The following RABEP2 variants were observed in gnomAD, a reference collection of about 807,000 sequenced individuals.
The protein encoded by RABEP2 is rabaptin, RAB GTPase binding effector protein 2.
RABEP2 carries 57 observed loss-of-function variants against 74.1 expected under a neutral mutation model. That is an observed-to-expected ratio of 0.77 (90% confidence interval 0.62 to 0.96). RABEP2 has a LOEUF of 0.96. Ranked by LOEUF, RABEP2 falls within the 40% of genes least tolerant of loss-of-function variation. RABEP2 has a pLI of 0.00. For missense variants in RABEP2, 692 were observed against 756.3 expected (o/e 0.91, Z 1.00); for synonymous variants, 351 against 344.0 (o/e 1.02, Z -0.23).
At chr16:28,919,475 G>A (rs914493926) in intron 3 of RABEP2, among the ~76,000 whole-genome samples, 4 of 152,182 alleles carry the variant, frequency 2.6e-5, no homozygotes, top group African/African-American at 9.7e-5. Flanking sequence ...ATTACCAAGA[G>A]GTAATGTACA....
rs1177678652 is a variant in RABEP2, at chr16:28,914,598, G to A, written c.544-12C>T. ...TGCCGGGGACGTCTCTAGGGAAGGGGGCAGGGAAGAGGCTGGGGGGCCAGG... is the reference window on the plus strand; with the variant it reads ...TGCCGGGGACGTCTCTAGGGAAGGGAGCAGGGAAGAGGCTGGGGGGCCAGG... On this transcript the variant is annotated splice_polypyrimidine_tract_variant and intron_variant, in intron 4 of 12. Transcript: ENST00000358201. 6.2e-7 allele frequency: 1 copy of A among 1,610,486 alleles called. No homozygotes were observed. Among genetic ancestry groups the A allele is most frequent in the Non-Finnish European group, 8.5e-7 (1 of 1,178,174 alleles).
In RABEP2 at chr16:28,910,929, C is replaced by A. The variant is rs770467312; in HGVS notation, c.1048G>T (p.Gly350Trp). 1.2e-6 allele frequency: 2 copies of A among 1,613,282 alleles called. No individual in the cohort carries two copies. The highest frequency in any genetic ancestry group is 3.3e-5 in the Admixed American group (2 of 59,990). The change falls in exon 7 of 13, where the codon GGG becomes TGG. Residue 350 changes from glycine (G) to tryptophan (W), a missense_variant. Transcript: ENST00000358201. ...NSEQLLRTLQ[G>W]TVSQAQERVQ... ...CGCTCCTGGGCCTGGCTCACGGTCCCTTGCAGGGTCCGCAGCAGCTGCTCT... is the reference window on the plus strand; with the variant it reads ...CGCTCCTGGGCCTGGCTCACGGTCCATTGCAGGGTCCGCAGCAGCTGCTCT...
At chr16:28,921,396 G>T (rs998707410) in intron 2 of RABEP2, among the ~76,000 whole-genome samples, 1 of 151,966 alleles carries the variant, frequency 6.6e-6, no homozygotes, top group Non-Finnish European at 1.5e-5. Context: ...AGGCAGGAGA[G>T]GACAGTGGTA....
chr16:28,918,083 T>C (rs1197161846), intron 3 of RABEP2, among the ~76,000 whole-genome samples: 1 of 139,900 alleles, frequency 7.1e-6, no homozygotes, highest in Non-Finnish European at 1.5e-5. Flanking sequence ...TTTTTTTTTT[T>C]TTTTTTTGAG....
At chr16:28,924,840 C>A (rs1964512815) in intron 1 of RABEP2, 2 of 725,594 alleles carry the variant, frequency 2.8e-6, no homozygotes, top group East Asian at 2.7e-5. Context: ...TCAGTCCTCT[C>A]TTCGGTCCCA....
At position 28,914,499 on chromosome 16, in the gene RABEP2, C is replaced by G. The variant is rs1347115741; in HGVS notation, c.631G>C (p.Glu211Gln). The change falls in exon 5 of 13, where the codon GAG becomes CAG. Residue 211 changes from glutamate to glutamine, a missense_variant. Physicochemically the swap from Glu to Gln is conservative, Grantham distance 29. Transcript: ENST00000358201. ...RDPSPPLEPL[E>Q]ELSGDGGPAA... The stretch of plus-strand genomic sequence containing the variant: ...GGACCCCCATCTCCGCTCAGCTCCT[C>G]CAGAGGCTCCAGCGGGGGCGATGGA... 1.2e-6 allele frequency: 2 copies of G among 1,613,206 alleles called. No individual in the cohort carries two copies. Among genetic ancestry groups the G allele is most frequent in the Non-Finnish European group, 1.7e-6 (2 of 1,179,754 alleles).
chr16:28,911,379 G>T (rs1320130156), intron 5 of RABEP2, among the ~76,000 whole-genome samples, 200 bp from the exon 6 acceptor site: 1 of 152,178 alleles, frequency 6.6e-6, no homozygotes, highest in Non-Finnish European at 1.5e-5. Flanking sequence ...GATTCCACAG[G>T]ACTGGGTGGA....
rs764701227 is a variant in RABEP2 at position 28,908,732 on chromosome 16, G to T, written c.1122C>A (p.His374Gln). 6.2e-7 allele frequency: 1 copy of T among 1,614,152 alleles called. No individual in the cohort carries two copies. The highest frequency in any genetic ancestry group is 8.5e-7 in the Non-Finnish European group (1 of 1,180,010). Residue 374 changes from histidine (H) to glutamine (Q), a missense_variant, in exon 8 of 13, where the codon CAC (histidine) becomes CAA (glutamine). Transcript: ENST00000358201. Reference sequence around the variant, plus strand: ...CCTCATTCAACCGCTTTACCTCATGGTGCAGGCACTTGTGGGTGGTGACCA... The same window carrying T: ...CCTCATTCAACCGCTTTACCTCATGTTGCAGGCACTTGTGGGTGGTGACCA... ...AELVTTHKCL[H>Q]HEVKRLNEEN...
At chr16:28,905,984 G>C in intron 9 of RABEP2, 35 bp downstream of exon 9, 2 of 1,610,608 alleles carry the variant, frequency 1.2e-6, no homozygotes, top group Non-Finnish European at 1.7e-6. Context: ...AGGGGCCCTG[G>C]GCCCGGGGCT....
At chr16:28,912,773 G>A (rs2152220392) in intron 5 of RABEP2, among the ~76,000 whole-genome samples, 1 of 152,162 alleles carries the variant, frequency 6.6e-6, no homozygotes, top group Non-Finnish European at 1.5e-5. Flanking sequence ...CCCTGCAGGT[G>A]CTTCCCACGT....
intron 8 of RABEP2, among the ~76,000 whole-genome samples, chr16:28,906,486 C>T (rs143420535): frequency 2.6e-5 from 4 of 152,012 alleles, no homozygotes; most frequent in Non-Finnish European, 2.9e-5. Context: ...AGCCCCTTGC[C>T]GGGCGCGGTG....
intron 5 of RABEP2, among the ~76,000 whole-genome samples, chr16:28,913,109 T>C (rs919615451): frequency 2.6e-5 from 4 of 152,152 alleles, no homozygotes; most frequent in South Asian, 2.1e-4. Context: ...ATTACAGGCA[T>C]GCGCCACCAT....
chr16:28,910,925 G>GT lies in RABEP2; in HGVS notation c.1051dup (p.Thr351AsnfsTer26). On this transcript the variant is annotated frameshift_variant, in exon 7 of 13. Coordinates refer to ENST00000358201, the MANE Select transcript of RABEP2 (RefSeq NM_024816.3). LOFTEE classifies it high-confidence loss of function. ...CACCCGCTCCTGGGCCTGGCTCACGGTCCCTTGCAGGGTCCGCAGCAGCTG... is the reference window on the plus strand; with the variant it reads ...CACCCGCTCCTGGGCCTGGCTCACGGTTCCCTTGCAGGGTCCGCAGCAGCTG... 3 of 1,613,022 alleles carry GT rather than the reference G, an allele frequency of 1.9e-6. No homozygotes were observed. The South Asian group carries it at 3.3e-5, about 18-fold the overall frequency.
At chr16:28,920,121 G>A (rs147905547) in intron 2 of RABEP2, among the ~76,000 whole-genome samples, 178 bp from the exon 3 acceptor site, 5,735 of 152,166 alleles carry the variant, frequency 0.038, 169 homozygotes, top group Middle Eastern at 0.065. Context: ...CTGTGCATCA[G>A]TGTCCTTAGG....
intron 3 of RABEP2, chr16:28,916,122 C>G (rs1964389511): frequency 6.6e-6 from 1 of 151,972 alleles, no homozygotes; most frequent in African/African-American, 2.4e-5. Flanking sequence ...TCCCAAAGTG[C>G]TAGGATTACA....
Position 28,910,876 on chromosome 16 carries a change from C to T in RABEP2, c.1089+12G>A, listed in dbSNP as rs751268065. The T allele has an allele frequency of 1.7e-5, 27 of 1,606,044 alleles. No homozygotes were observed. Among genetic ancestry groups the T allele is most frequent in the Non-Finnish European group, 1.9e-5 (22 of 1,177,004 alleles). ...TCCTCGCCCTCCTGCCCTAGGGCCC[C>T]CAGGTACTCACCATCTGCAGCTGCA... On this transcript the variant is annotated intron_variant, in intron 7 of 12. Coordinates refer to ENST00000358201, the MANE Select transcript of RABEP2 (RefSeq NM_024816.3).
intron 3 of RABEP2, among the ~76,000 whole-genome samples, chr16:28,917,238 C>T (rs1964407586): frequency 6.6e-6 from 1 of 152,158 alleles, no homozygotes; most frequent in African/African-American, 2.4e-5. Flanking sequence ...ACAAACCACT[C>T]AGGGACGCTG....
At chr16:28,915,052 G>A (rs979138469) in intron 3 of RABEP2, among the ~76,000 whole-genome samples, 1 of 144,572 alleles carries the variant, frequency 6.9e-6, no homozygotes, top group Non-Finnish European at 1.5e-5. Flanking sequence ...TTTTTCTTTC[G>A]TCATAGAACT....
chr16:28,922,085 C>G (rs1964474557), intron 2 of RABEP2, among the ~76,000 whole-genome samples: 2 of 152,274 alleles, frequency 1.3e-5, no homozygotes, highest in Admixed American at 6.5e-5. Flanking sequence ...GAACCTCCCA[C>G]CTCACCCTCC....
Sources: allele counts gnomAD v4.1 joint callset (sites outside exome capture counted in the v4.1 genomes callset), GRCh38; gene constraint gnomAD v4.1.1; transcripts MANE v1.5; gene names NCBI Gene and HGNC (gene_info 2026-07-23, HGNC 2026-07-21).